The following BRINP1 variants were observed in gnomAD, a reference collection of about 807,000 sequenced individuals.
The protein encoded by BRINP1 is BMP/retinoic acid-inducible neural-specific protein 1.
In BRINP1, 17 loss-of-function variants were observed where a neutral mutation model predicts 72.9. The ratio of observed to expected loss-of-function variants is 0.23; its 90% CI spans 0.16 to 0.35. The LOEUF (loss-of-function observed/expected upper bound fraction) is 0.35, where lower values mean the gene tolerates loss of function less well. Among genes scored for constraint, BRINP1 ranks in the 10% least tolerant of loss-of-function variants. BRINP1 has a pLI of 1.00. For synonymous variants in BRINP1, 418 were observed against 378.5 expected (o/e 1.10, Z -1.21); for missense variants, 850 against 1,001.6 (o/e 0.85, Z 2.04).
intron 7 of BRINP1, among the ~76,000 whole-genome samples, chr9:119,182,419 T>G (rs1228785091): frequency 6.6e-6 from 1 of 152,198 alleles, no homozygotes; most frequent in African/African-American, 2.4e-5. Context: ...TAACAAGAGA[T>G]TGTATGTATA....
At chr9:119,204,446 T>C (rs1829832268) in intron 7 of BRINP1, among the ~76,000 whole-genome samples, 3 of 148,404 alleles carry the variant, frequency 2.0e-5, no homozygotes, top group African/African-American at 4.8e-5. Context: ...TTAACATTTC[T>C]TTGAAGTAAC....
Position 119,166,874 on chromosome 9 carries a change from C to CAG in BRINP1, c.*208_*209dup. 1 of 552,648 alleles carries CAG rather than the reference C, an allele frequency of 1.8e-6. No individual in the cohort carries two copies. The highest frequency in any genetic ancestry group is 3.1e-6 in the Non-Finnish European group (1 of 320,432). The allele number at this position is 552,648 out of a possible 1,614,324, so 34.2% of individuals were successfully genotyped here. ...AAAAGGCTGAGACCCTTCTTCATGACAGAGTGAGTATAGAAATAACAAACA... is the reference window on the plus strand; with the variant it reads ...AAAAGGCTGAGACCCTTCTTCATGACAGAGAGTGAGTATAGAAATAACAAACA... On this transcript the variant is annotated 3_prime_UTR_variant, in exon 8 of 8. Coordinates refer to ENST00000265922, the MANE Select transcript of BRINP1 (RefSeq NM_014618.3).
At chr9:119,177,970 AAGAGGAAAGAAAACAG>A (rs1564210289) in intron 7 of BRINP1, among the ~76,000 whole-genome samples, 1 of 152,132 alleles carries the variant, frequency 6.6e-6, no homozygotes, top group Non-Finnish European at 1.5e-5. Flanking sequence ...GGCTGAGGGA[AAGAGGAAAGAAAACAG>A]AGGGGAAAGG....
intron 1 of BRINP1, among the ~76,000 whole-genome samples, chr9:119,360,074 C>T (rs1353143938): frequency 2.0e-5 from 3 of 152,176 alleles, no homozygotes; most frequent in Non-Finnish European, 4.4e-5. Flanking sequence ...CTTCACTGGA[C>T]TTTCAATGTT....
rs565853915 is a variant in BRINP1 at position 119,166,929 on chromosome 9, C to T, written c.*155G>A. ...CAACGCTTTTATACAGTTGCTAGAA[C>T]GTTTTCATTTCCAACAAATGAAGAT... On this transcript the variant is annotated 3_prime_UTR_variant, in exon 8 of 8. Coordinates refer to ENST00000265922, the MANE Select transcript of BRINP1 (RefSeq NM_014618.3). 51 of 798,548 alleles carry T rather than the reference C, an allele frequency of 6.4e-5. 1 individual carries two copies. In the South Asian group the frequency reaches 8.5e-4, roughly 13 times the overall value. The allele number at this position is 798,548 out of a possible 1,614,324, so 49.5% of individuals were successfully genotyped here.
At chr9:119,219,684 AGAG>A in intron 5 of BRINP1, among the ~76,000 whole-genome samples, 1 of 146,160 alleles carries the variant, frequency 6.8e-6, no homozygotes, top group Non-Finnish European at 1.5e-5. Flanking sequence ...AGAGAGAGAG[AGAG>A]AGAGAGAGAA....
At chr9:119,329,186 G>A (rs1045744289) in intron 1 of BRINP1, among the ~76,000 whole-genome samples, 2 of 152,124 alleles carry the variant, frequency 1.3e-5, no homozygotes, top group African/African-American at 2.4e-5. Flanking sequence ...ATATTCAGTG[G>A]AGCAAATAGA....
intron 7 of BRINP1, among the ~76,000 whole-genome samples, chr9:119,178,179 A>AACTC (rs567051175): frequency 5.0e-4 from 76 of 152,264 alleles, no homozygotes; most frequent in Middle Eastern, 3.4e-3. Flanking sequence ...CATCTGTGTT[A>AACTC]ACTCACTCAC....
chr9:119,313,221 C>T lies in BRINP1; in HGVS notation c.135G>A (p.Arg45=). Residue 45 remains arginine (R), a synonymous_variant, in exon 2 of 8, where the codon AGG becomes AGA. Coordinates refer to ENST00000265922, the MANE Select transcript of BRINP1 (RefSeq NM_014618.3). ...SKEFDWLISD[R]GPFHHSRSYL... ...AGCTCCTGGAGTGGTGGAAAGGCCCCCTGTCTGAAATGAGCCAATCAAATT... is the reference window on the plus strand; with the variant it reads ...AGCTCCTGGAGTGGTGGAAAGGCCCTCTGTCTGAAATGAGCCAATCAAATT... 3 of 1,614,144 alleles carry T rather than the reference C, an allele frequency of 1.9e-6. No individual in the cohort carries two copies. Among genetic ancestry groups the T allele is most frequent in the East Asian group, 2.2e-5 (1 of 44,872 alleles).
intron 7 of BRINP1, among the ~76,000 whole-genome samples, chr9:119,190,007 G>A (rs1357036239): frequency 6.6e-6 from 1 of 151,666 alleles, no homozygotes; most frequent in Non-Finnish European, 1.5e-5. Context: ...CTAGAAATCA[G>A]TAACAAGAGA....
At position 119,166,964 on chromosome 9, in the gene BRINP1, T is replaced by C; in HGVS notation, c.*120A>G. Reference sequence around the variant, plus strand: ...TCCAACAAATGAAGATTTTCCTCCTTTTCTTTGAATATTAATTACATTTTA... The same window carrying C: ...TCCAACAAATGAAGATTTTCCTCCTCTTCTTTGAATATTAATTACATTTTA... On this transcript the variant is annotated 3_prime_UTR_variant, in exon 8 of 8. Coordinates refer to ENST00000265922, the MANE Select transcript of BRINP1 (RefSeq NM_014618.3). 2 of 1,118,016 alleles carry C rather than the reference T, an allele frequency of 1.8e-6. No homozygotes were observed. The highest frequency in any genetic ancestry group is 2.6e-6 in the Non-Finnish European group (2 of 779,590). The allele number at this position is 1,118,016 out of a possible 1,614,324, so 69.3% of individuals were successfully genotyped here.
chr9:119,308,194 C>A (rs1477797576), intron 2 of BRINP1, among the ~76,000 whole-genome samples: 1 of 152,128 alleles, frequency 6.6e-6, no homozygotes, highest in Non-Finnish European at 1.5e-5. Flanking sequence ...CAGAAAACAT[C>A]TTTTAATATT....
Position 119,272,811 on chromosome 9 carries a change from G to C in BRINP1, c.219-23661C>G, listed in dbSNP as rs377159160. On this transcript the variant is annotated intron_variant, in intron 2 of 7. Coordinates refer to ENST00000265922, the MANE Select transcript of BRINP1 (RefSeq NM_014618.3). ...AGTTTTTCCCGTACTAGCTCTCTCT[G>C]TTATCCATTCGATAACTCAGGGTAG... Among the ~76,000 whole-genome samples, 7 of 152,172 alleles carry C rather than the reference G, an allele frequency of 4.6e-5. No homozygotes were observed. In the East Asian group the frequency reaches 1.2e-3, roughly 25 times the overall value.
intron 1 of BRINP1, among the ~76,000 whole-genome samples, chr9:119,346,989 A>G (rs1831458877): frequency 6.6e-6 from 1 of 152,048 alleles, no homozygotes; most frequent in South Asian, 2.1e-4. Flanking sequence ...AGAAGGCCCA[A>G]CTCCTTCACA....
chr9:119,167,265 C>T lies in BRINP1; in HGVS notation c.2105G>A (p.Arg702Gln), dbSNP rs1829326401. The T allele has an allele frequency of 6.2e-7, 1 of 1,614,148 alleles. No individual in the cohort carries two copies. Among genetic ancestry groups the T allele is most frequent in the Non-Finnish European group, 8.5e-7 (1 of 1,180,040 alleles). ...CACAGGAGGGGCCAGGCGATTAATT[C>T]GGTCCCGAATATCCAACAAGAGGAG... ...VMLLLLDIRD[R>Q]INRLAPPVAP... is the part of the protein sequence containing the mutation. Residue 702 changes from arginine (R) to glutamine (Q), a missense_variant, in exon 8 of 8, where the codon CGA (arginine) becomes CAA (glutamine). Transcript: ENST00000265922. The surrounding 1 kb of genome is among the most constrained non-coding windows in gnomAD (Gnocchi z 4.3).
chr9:119,204,756 G>A lies in BRINP1; in HGVS notation c.1145+3963C>T, dbSNP rs1281760784. On this transcript the variant is annotated intron_variant, in intron 7 of 7. Coordinates refer to ENST00000265922, the MANE Select transcript of BRINP1 (RefSeq NM_014618.3). ...TCTTAATCATCACACTTAACCTGAAGGCAAGTGTTATTATCCCCTTTCACA... is the reference window on the plus strand; with the variant it reads ...TCTTAATCATCACACTTAACCTGAAAGCAAGTGTTATTATCCCCTTTCACA... Among the ~76,000 whole-genome samples, 10 of 152,154 alleles carry A rather than the reference G, an allele frequency of 6.6e-5. No homozygotes were observed. The East Asian group carries it at 1.9e-3, about 29-fold the overall frequency.
intron 1 of BRINP1, among the ~76,000 whole-genome samples, chr9:119,321,076 G>A (rs994710390): frequency 6.6e-6 from 1 of 152,028 alleles, no homozygotes; most frequent in Non-Finnish European, 1.5e-5. Flanking sequence ...GACTACAGGC[G>A]CCTGCCACTG....
At position 119,238,718 on chromosome 9, in the gene BRINP1, C is replaced by T; in HGVS notation, c.622G>A (p.Asp208Asn). ...RTGPLGCNSY[D>N]NLDSVSSVLL... ...ACGGAACTCACAGAGTCCAGATTGT[C>T]ATAGCTGTTACAGCCCAGAGGCCCA... Residue 208 changes from aspartate (D) to asparagine (N), a missense_variant, in exon 5 of 8, where the codon GAC becomes AAC. Transcript: ENST00000265922. 6 of 1,612,720 alleles carry T rather than the reference C, an allele frequency of 3.7e-6. No individual in the cohort carries two copies. Among genetic ancestry groups the T allele is most frequent in the Non-Finnish European group, 5.1e-6 (6 of 1,179,654 alleles).
intron 2 of BRINP1, among the ~76,000 whole-genome samples, chr9:119,273,477 T>C (rs1412038483): frequency 6.6e-6 from 1 of 152,030 alleles, no homozygotes; most frequent in Non-Finnish European, 1.5e-5. Context: ...AAAAAATTCT[T>C]TGAGTGGGAG....
Sources: gnomAD v4.1 joint callset for allele counts (sites outside exome capture counted in the v4.1 genomes callset) on GRCh38, gnomAD v4.1.1 for gene constraint, Gnocchi (gnomAD v3.1) non-coding constraint, MANE v1.5 for transcripts, NCBI Gene and HGNC (gene_info 2026-07-23, HGNC 2026-07-21) for gene names.